The following LRRIQ1 variants were observed in gnomAD, a reference collection of about 807,000 sequenced individuals.
LRRIQ1 encodes the protein leucine-rich repeat- and IQ domain-containing protein 1.
In LRRIQ1, 210 loss-of-function variants were observed where a neutral mutation model predicts 211.9. The observed-to-expected ratio is 0.99, with a 90% CI of 0.89 to 1.11. LRRIQ1 has a LOEUF of 1.11. Among genes scored for constraint, LRRIQ1 ranks in the 50% most tolerant of loss-of-function variants. LRRIQ1 has a pLI of 0.00. For synonymous variants in LRRIQ1, 699 were observed against 650.1 expected, an observed-to-expected ratio of 1.08 and a Z score of -1.14; for missense variants, 2,136 against 1,939.5, an observed-to-expected ratio of 1.10 and a Z score of -1.90.
chr12:85,120,244 A>C (rs933466351), intron 15 of LRRIQ1, among the ~76,000 whole-genome samples: 54 of 152,092 alleles, frequency 3.6e-4, no homozygotes, highest in African/African-American at 1.3e-3. Flanking sequence ...CTTCATGCTT[A>C]CTCATGTGGA....
intron 19 of LRRIQ1, among the ~76,000 whole-genome samples, chr12:85,142,716 T>C (rs1889627331): frequency 6.6e-6 from 1 of 151,586 alleles, no homozygotes; most frequent in Admixed American, 6.6e-5. Context: ...AGTGAAACCG[T>C]GAGGTATTCT....
intron 10 of LRRIQ1, among the ~76,000 whole-genome samples, chr12:85,070,056 A>G (rs1003697683): frequency 3.3e-5 from 5 of 151,980 alleles, no homozygotes; most frequent in East Asian, 1.9e-4. Context: ...TTTCTTCAAG[A>G]TGGATTAAAG....
chr12:85,196,001 C>A (rs1892884986), intron 24 of LRRIQ1, among the ~76,000 whole-genome samples: 1 of 151,826 alleles, frequency 6.6e-6, no homozygotes, highest in Non-Finnish European at 1.5e-5. Flanking sequence ...AATCAATGTA[C>A]AAAAATCACA....
In LRRIQ1 at chr12:85,106,565, C is replaced by T. The variant is rs1473291100; in HGVS notation, c.3327C>T (p.Leu1109=). 16 of 1,612,432 alleles carry T rather than the reference C, an allele frequency of 9.9e-6. No individual in the cohort carries two copies. The highest frequency in any genetic ancestry group is 1.3e-5 in the African/African-American group (1 of 74,850). Residue 1109 remains leucine (L), a synonymous_variant, in exon 15 of 27, where the codon CTC becomes CTT. Coordinates refer to ENST00000393217, the MANE Select transcript of LRRIQ1 (RefSeq NM_001079910.2). ...AIKWFDACYS[L]HELSLTGNPL... ...AATGGTTTGATGCATGCTATTCTCT[C>T]CATGAATTGTCTCTTACTGGAAACC...
At chr12:85,045,179 A>G (rs938352050) in intron 4 of LRRIQ1, among the ~76,000 whole-genome samples, 6 of 151,978 alleles carry the variant, frequency 3.9e-5, no homozygotes, top group African/African-American at 1.4e-4. Context: ...CAGAGACGTT[A>G]TAGAAAATTT....
chr12:85,099,140 C>A (rs910504594), intron 13 of LRRIQ1, 146 bp downstream of exon 13: 2 of 428,904 alleles, frequency 4.7e-6, no homozygotes, highest in Admixed American at 4.6e-5. Flanking sequence ...ATAAAAATAA[C>A]ATTATAGAAT....
At chr12:85,110,539 T>A (rs1467396073) in intron 15 of LRRIQ1, among the ~76,000 whole-genome samples, 1 of 152,124 alleles carries the variant, frequency 6.6e-6, no homozygotes, top group Non-Finnish European at 1.5e-5. Flanking sequence ...AAATCTACGC[T>A]TGTAACTCTT....
At chr12:85,087,346 A>T (rs1195115375) in intron 11 of LRRIQ1, among the ~76,000 whole-genome samples, 2 of 152,146 alleles carry the variant, frequency 1.3e-5, no homozygotes, top group East Asian at 1.9e-4. Flanking sequence ...TCTATCATTG[A>T]TAGACATTTG....
At chr12:85,229,126 A>G (rs1480806237) in intron 24 of LRRIQ1, among the ~76,000 whole-genome samples, 1 of 152,196 alleles carries the variant, frequency 6.6e-6, no homozygotes, top group African/African-American at 2.4e-5. Context: ...TAAATTCTCC[A>G]TATGGATAAG....
In LRRIQ1 at chr12:85,145,361, G is replaced by T. The variant is rs576706168; in HGVS notation, c.4330-6919G>T. Among the ~76,000 whole-genome samples the T allele has an allele frequency of 4.6e-5, 7 of 151,634 alleles. No homozygotes were observed. The East Asian group carries it at 9.7e-4, about 21-fold the overall frequency. On this transcript the variant is annotated intron_variant, in intron 19 of 26. Coordinates refer to ENST00000393217, the MANE Select transcript of LRRIQ1 (RefSeq NM_001079910.2). Reference sequence around the variant, plus strand: ...AAATATTTCCTTAGATTGATTTGTTGCCTCTCTGAAATGTGATTTCATTTA... The same window carrying T: ...AAATATTTCCTTAGATTGATTTGTTTCCTCTCTGAAATGTGATTTCATTTA...
chr12:85,153,933 T>C, intron 22 of LRRIQ1, 79 bp from the exon 23 acceptor site: 2 of 1,017,784 alleles, frequency 2.0e-6, no homozygotes, highest in Non-Finnish European at 2.8e-6. Flanking sequence ...AATTCAGATA[T>C]GCATGTCTAT....
intron 24 of LRRIQ1, among the ~76,000 whole-genome samples, chr12:85,174,718 A>AAAAAAAAAAAAAAAAAAAAAC (rs1444443486): frequency 6.7e-6 from 1 of 149,744 alleles, no homozygotes; most frequent in African/African-American, 2.5e-5. Context: ...AAAAAAAAAA[A>AAAAAAAAAAAAAAAAAAAAAC]AAAAATCTGA....
intron 11 of LRRIQ1, among the ~76,000 whole-genome samples, chr12:85,085,567 C>A (rs756956663): frequency 6.6e-6 from 1 of 152,104 alleles, no homozygotes; most frequent in Non-Finnish European, 1.5e-5. Flanking sequence ...CCAATAGGTA[C>A]TTTTTCAACC....
At chr12:85,112,228 C>T (rs1463821731) in intron 15 of LRRIQ1, among the ~76,000 whole-genome samples, 1 of 151,804 alleles carries the variant, frequency 6.6e-6, no homozygotes, top group Non-Finnish European at 1.5e-5. Context: ...AATAGCTAGA[C>T]TACATCTTCT....
At position 85,207,254 on chromosome 12, in the gene LRRIQ1, G is replaced by A. The variant is rs187533855; in HGVS notation, c.4823-22263G>A. On this transcript the variant is annotated intron_variant, in intron 24 of 26. Coordinates refer to ENST00000393217, the MANE Select transcript of LRRIQ1 (RefSeq NM_001079910.2). ...AGCCCAGCATCTGTGTCCTCCCTCC[G>A]TCCACTCTCAATGCCTTCCTTCCAA... 2.2e-3 allele frequency among the ~76,000 whole-genome samples: 338 copies of A among 151,808 alleles called. 2 individuals carry two copies. The highest frequency in any genetic ancestry group is 8.0e-3 in the African/African-American group (330 of 41,376).
intron 1 of LRRIQ1, among the ~76,000 whole-genome samples, chr12:85,256,643 G>T (rs549957402): frequency 6.6e-6 from 1 of 151,596 alleles, no homozygotes; most frequent in African/African-American, 2.4e-5. Context: ...ATAAGTATTT[G>T]TTTTATACAA....
In LRRIQ1 at chr12:85,106,528, A is replaced by G. The variant is rs750720289; in HGVS notation, c.3290A>G (p.Lys1097Arg). The part of the protein sequence containing the change: ...DVSHNCLSDL[K>R]SAIKWFDACY... Reference sequence around the variant, plus strand: ...ATGATTTTATTTTCTGTAGATCTTAAAAGTGCCATAAAATGGTTTGATGCA... The same window carrying G: ...ATGATTTTATTTTCTGTAGATCTTAGAAGTGCCATAAAATGGTTTGATGCA... The change falls in exon 15 of 27, where the codon AAA (lysine) becomes AGA (arginine). Residue 1097 changes from lysine (K) to arginine (R), a missense_variant. Physicochemically the swap from Lys to Arg is conservative, Grantham distance 26. Coordinates refer to ENST00000393217, the MANE Select transcript of LRRIQ1 (RefSeq NM_001079910.2). 1.9e-6 allele frequency: 3 copies of G among 1,603,920 alleles called. No homozygotes were observed. Among genetic ancestry groups the G allele is most frequent in the South Asian group, 2.2e-5 (2 of 90,500 alleles).
chr12:85,053,543 T>G (rs534879096), intron 7 of LRRIQ1, among the ~76,000 whole-genome samples: 2 of 152,318 alleles, frequency 1.3e-5, no homozygotes, highest in South Asian at 4.1e-4. Flanking sequence ...AAGTATTCAA[T>G]GATAATGGTT....
At chr12:85,179,361 A>G (rs1182375928) in intron 24 of LRRIQ1, among the ~76,000 whole-genome samples, 1 of 152,000 alleles carries the variant, frequency 6.6e-6, no homozygotes, top group Non-Finnish European at 1.5e-5. Context: ...GCAGTGTGCC[A>G]TAAGCAGTGT....
Sources: gnomAD v4.1 joint callset for allele counts (sites outside exome capture counted in the v4.1 genomes callset) on GRCh38, gnomAD v4.1.1 for gene constraint, MANE v1.5 for transcripts, NCBI Gene and HGNC (gene_info 2026-07-23, HGNC 2026-07-21) for gene names.